Variants in TAF3 observed in about 807,000 individuals in gnomAD.
The protein encoded by TAF3 is TATA-box binding protein associated factor 3, also known as transcription initiation factor TFIID subunit 3.
TAF3 carries 7 observed loss-of-function variants against 80.6 expected under a neutral mutation model. That is an observed-to-expected ratio of 0.09 (90% CI 0.05 to 0.16). The LOEUF (loss-of-function observed/expected upper bound fraction) is 0.16, where lower values mean the gene tolerates loss of function less well. Among genes scored for constraint, TAF3 ranks in the 10% least tolerant of loss-of-function variants. The pLI is 1.00. For missense variants in TAF3, 921 were observed against 1,140.2 expected, an observed-to-expected ratio of 0.81 and a Z score of 2.77; for synonymous variants, 444 against 446.1, an observed-to-expected ratio of 1.00 and a Z score of 0.06.
intron 4 of TAF3, among the ~76,000 whole-genome samples, chr10:7,987,115 A>G (rs975755906): frequency 6.6e-6 from 1 of 152,162 alleles, no homozygotes; most frequent in African/African-American, 2.4e-5. Flanking sequence ...TGAGCCCAGG[A>G]GTTCAAGACC....
chr10:7,880,452 A>G (rs1588536543), intron 2 of TAF3, among the ~76,000 whole-genome samples: 1 of 152,198 alleles, frequency 6.6e-6, no homozygotes, highest in East Asian at 1.9e-4. Context: ...ATATGCAGCT[A>G]TCCTGACTAG....
intron 1 of TAF3, among the ~76,000 whole-genome samples, chr10:7,823,837 G>C (rs1836713890): frequency 6.6e-6 from 1 of 151,744 alleles, no homozygotes; most frequent in East Asian, 1.9e-4. Flanking sequence ...GTTTCACCGT[G>C]TTGACCAGGT....
At chr10:7,986,805 G>A (rs1831783203) in intron 4 of TAF3, among the ~76,000 whole-genome samples, 1 of 151,874 alleles carries the variant, frequency 6.6e-6, no homozygotes, top group African/African-American at 2.4e-5. Flanking sequence ...AGAAACAGGG[G>A]AAAAAAGGAT....
At chr10:7,998,195 C>T (rs1831907044) in intron 4 of TAF3, among the ~76,000 whole-genome samples, 2 of 148,134 alleles carry the variant, frequency 1.4e-5, no homozygotes, top group South Asian at 4.2e-4. Flanking sequence ...ACTGAGTAGC[C>T]ACTTTAATGT....
intron 4 of TAF3, among the ~76,000 whole-genome samples, chr10:7,983,449 T>C (rs1011640343): frequency 3.9e-5 from 6 of 152,320 alleles, no homozygotes; most frequent in African/African-American, 1.2e-4. Flanking sequence ...TACAAAAGGA[T>C]ACTTTAGATG....
intron 2 of TAF3, among the ~76,000 whole-genome samples, chr10:7,872,169 A>G (rs1837272547): frequency 6.7e-6 from 1 of 148,238 alleles, no homozygotes; most frequent in African/African-American, 2.5e-5. Context: ...TTTCCAGTTT[A>G]CCAGTAGAGG....
intron 2 of TAF3, among the ~76,000 whole-genome samples, chr10:7,840,999 G>A (rs970478097): frequency 1.3e-5 from 2 of 151,920 alleles, no homozygotes; most frequent in Admixed American, 1.3e-4. Flanking sequence ...ACAGGCACAC[G>A]CTGCCACACC....
At chr10:7,939,153 T>G (rs1467114657) in intron 2 of TAF3, among the ~76,000 whole-genome samples, 1 of 152,256 alleles carries the variant, frequency 6.6e-6, no homozygotes, top group South Asian at 2.1e-4. Flanking sequence ...TGTGCATGTT[T>G]GTTTATTAGC....
chr10:7,917,951 A>T (rs1837727155), intron 2 of TAF3, among the ~76,000 whole-genome samples: 1 of 152,220 alleles, frequency 6.6e-6, no homozygotes, highest in Non-Finnish European at 1.5e-5. Flanking sequence ...AAGGAGCAAC[A>T]GGTACAGGCA....
intron 2 of TAF3, among the ~76,000 whole-genome samples, chr10:7,866,243 G>A (rs553265446): frequency 6.6e-6 from 1 of 152,328 alleles, no homozygotes; most frequent in South Asian, 2.1e-4. Context: ...CAGGCACGGG[G>A]GATGGAGCAG....
chr10:7,885,889 G>A lies in TAF3; in HGVS notation c.409+61329G>A, dbSNP rs959119616. 1.4e-4 allele frequency among the ~76,000 whole-genome samples: 22 copies of A among 152,108 alleles called. 1 individual carries two copies. The East Asian group carries it at 4.1e-3, about 28-fold the overall frequency. On this transcript the variant is annotated intron_variant, in intron 2 of 6. Transcript: ENST00000344293. ...TACCTGTTTTTAGGGTTTTAAGTTTGGAGAATCCCATTTGGGCCACATCTT... is the reference window on the plus strand; with the variant it reads ...TACCTGTTTTTAGGGTTTTAAGTTTAGAGAATCCCATTTGGGCCACATCTT...
intron 2 of TAF3, among the ~76,000 whole-genome samples, chr10:7,930,556 G>C (rs1313835944): frequency 1.3e-5 from 2 of 152,106 alleles, no homozygotes; most frequent in Non-Finnish European, 2.9e-5. Context: ...GCTTCTTTTT[G>C]TTTAGTTAAT....
At chr10:7,999,458 G>GTTTTTT (rs372902098) in intron 4 of TAF3, among the ~76,000 whole-genome samples, 4 of 133,096 alleles carry the variant, frequency 3.0e-5, no homozygotes, top group African/African-American at 1.1e-4. Flanking sequence ...AAAGAAAGAA[G>GTTTTTT]TTTTTTTTTT....
At chr10:7,948,949 T>C (rs908221654) in intron 2 of TAF3, among the ~76,000 whole-genome samples, 1 of 152,228 alleles carries the variant, frequency 6.6e-6, no homozygotes, top group African/African-American at 2.4e-5. Context: ...AAAGCAAGTG[T>C]AGGAACAGCT....
At chr10:7,845,959 G>GTTTTTTTTTTT (rs34163537) in intron 2 of TAF3, among the ~76,000 whole-genome samples, 2 of 130,934 alleles carry the variant, frequency 1.5e-5, no homozygotes, top group Non-Finnish European at 3.2e-5. Context: ...GTGTGTTTTT[G>GTTTTTTTTTTT]TTTTTTTTTT....
At chr10:7,973,553 G>A (rs1360814274) in intron 3 of TAF3, among the ~76,000 whole-genome samples, 1 of 152,070 alleles carries the variant, frequency 6.6e-6, no homozygotes, top group Non-Finnish European at 1.5e-5. Context: ...GGAAAAGAAA[G>A]GAAAAATGGT....
intron 3 of TAF3, among the ~76,000 whole-genome samples, chr10:7,966,938 T>C (rs1284084569): frequency 1.3e-5 from 2 of 152,180 alleles, no homozygotes; most frequent in African/African-American, 4.8e-5. Flanking sequence ...GAAATCCAAC[T>C]CTTATTTCCA....
intron 2 of TAF3, among the ~76,000 whole-genome samples, chr10:7,931,405 C>CT (rs1245721471): frequency 6.6e-6 from 1 of 152,086 alleles, no homozygotes; most frequent in Non-Finnish European, 1.5e-5. Context: ...ACAGAGTCCC[C>CT]TTACTATTTT....
chr10:7,819,685 A>G (rs1027501601), intron 1 of TAF3, among the ~76,000 whole-genome samples: 1 of 150,600 alleles, frequency 6.6e-6, no homozygotes, highest in African/African-American at 2.5e-5. Context: ...TGTTGATGTG[A>G]AGCATTGTAT....
Sources: gnomAD v4.1 joint callset for allele counts (sites outside exome capture counted in the v4.1 genomes callset) on GRCh38, gnomAD v4.1.1 for gene constraint, MANE v1.5 for transcripts, NCBI Gene and HGNC (gene_info 2026-07-23, HGNC 2026-07-21) for gene names.